The following FOXN2 variants were observed in gnomAD, a reference collection of about 807,000 sequenced individuals.
FOXN2 encodes forkhead box protein N2.
A neutral mutation model predicts 41.2 loss-of-function variants in FOXN2; 19 were observed. That is an observed-to-expected ratio of 0.46 (90% confidence interval 0.32 to 0.68). The LOEUF (loss-of-function observed/expected upper bound fraction) is 0.68, where lower values mean the gene tolerates loss of function less well. FOXN2 is among the 30% of genes least tolerant of loss of function. FOXN2 has a pLI of 0.03. For synonymous variants in FOXN2, 195 were observed against 176.8 expected (o/e 1.10, Z -0.82); for missense variants, 587 against 509.4 (o/e 1.15, Z -1.47).
intron 3 of FOXN2, among the ~76,000 whole-genome samples, chr2:48,353,892 C>A (rs567591429): frequency 1.3e-5 from 2 of 151,364 alleles, no homozygotes; most frequent in Non-Finnish European, 2.9e-5. Context: ...TTTATGTAGT[C>A]TCCGTTTAAA....
intron 5 of FOXN2, among the ~76,000 whole-genome samples, chr2:48,363,616 C>T (rs1191681304): frequency 6.6e-6 from 1 of 152,098 alleles, no homozygotes; most frequent in East Asian, 1.9e-4. Context: ...TACAGGTGTA[C>T]CATTTTAAAT....
At chr2:48,349,348 G>T (rs1323993109) in intron 3 of FOXN2, among the ~76,000 whole-genome samples, 1 of 152,116 alleles carries the variant, frequency 6.6e-6, no homozygotes, top group East Asian at 1.9e-4. Context: ...TTAGCTGGGC[G>T]TGGTGGTACA....
Position 48,356,397 on chromosome 2 carries a change from C to T in FOXN2, c.538-2650C>T, listed in dbSNP as rs1478768489. ...CGGAGGTTGCAGTGAGCCGAGATCGCGCCACTGCACTCCAGCCTGATTGAC... is the reference window on the plus strand; with the variant it reads ...CGGAGGTTGCAGTGAGCCGAGATCGTGCCACTGCACTCCAGCCTGATTGAC... On this transcript the variant is annotated intron_variant, in intron 3 of 6. Transcript: ENST00000340553. Among the ~76,000 whole-genome samples, 10 of 151,910 alleles carry T rather than the reference C, an allele frequency of 6.6e-5. No homozygotes were observed. The South Asian group carries it at 8.3e-4, about 13-fold the overall frequency.
intron 1 of FOXN2, among the ~76,000 whole-genome samples, chr2:48,315,736 G>A (rs1428691142): frequency 1.3e-5 from 2 of 152,154 alleles, no homozygotes; most frequent in Non-Finnish European, 2.9e-5. Flanking sequence ...TTGCACCTTT[G>A]CAAAATGCCT....
In FOXN2 at chr2:48,376,956, A is replaced by G. The variant is rs1053585331; in HGVS notation, c.*1513A>G. 6.6e-6 allele frequency: 1 copy of G among 152,466 alleles called. No homozygotes were observed. The highest frequency in any genetic ancestry group is 2.4e-5 in the African/African-American group (1 of 41,468). 9.4% of individuals were successfully genotyped at this position (152,466 alleles called of 1,614,324 possible). A position where few individuals can be genotyped will look rare whatever the true frequency, so the allele number is the denominator to read the frequency against. On this transcript the variant is annotated 3_prime_UTR_variant, in exon 7 of 7. Transcript: ENST00000340553. ...GCTTTCAGCTGTTTCTGTGATTATA[A>G]AGCATTTTTTAAGAGACAAATTTTA...
intron 3 of FOXN2, among the ~76,000 whole-genome samples, chr2:48,358,620 G>T (rs1671961506): frequency 6.6e-6 from 1 of 152,134 alleles, no homozygotes; most frequent in Non-Finnish European, 1.5e-5. Context: ...AAGGACTCTG[G>T]AGATCATCAC....
At chr2:48,321,661 G>C (rs1669330500) in intron 1 of FOXN2, among the ~76,000 whole-genome samples, 1 of 151,836 alleles carries the variant, frequency 6.6e-6, no homozygotes, top group Admixed American at 6.6e-5. Flanking sequence ...AAGGGTAAAA[G>C]TATTATTTAG....
At chr2:48,337,154 C>T (rs754443394) in intron 2 of FOXN2, among the ~76,000 whole-genome samples, 11 of 151,674 alleles carry the variant, frequency 7.3e-5, no homozygotes, top group Non-Finnish European at 1.3e-4. Flanking sequence ...TACTCTTAGA[C>T]GTTCATGATT....
At chr2:48,346,038 A>G (rs1671074362) in intron 2 of FOXN2, among the ~76,000 whole-genome samples, 163 bp from the exon 3 acceptor site, 1 of 152,248 alleles carries the variant, frequency 6.6e-6, no homozygotes, top group Non-Finnish European at 1.5e-5. Context: ...TCCTTGTATT[A>G]TAACCATTAG....
intron 3 of FOXN2, among the ~76,000 whole-genome samples, chr2:48,354,552 A>G (rs1323605381): frequency 1.3e-5 from 2 of 152,230 alleles, no homozygotes; most frequent in East Asian, 1.9e-4. Context: ...GTGAGCCGAG[A>G]CTGTGCCACT....
intron 1 of FOXN2, among the ~76,000 whole-genome samples, chr2:48,323,229 T>C (rs150603059): frequency 6.9e-4 from 105 of 152,262 alleles, no homozygotes; most frequent in African/African-American, 2.2e-3. Context: ...GTTTACAACG[T>C]GTAATGATCA....
At chr2:48,346,810 C>T in intron 3 of FOXN2, 59 bp downstream of exon 3, 1 of 1,381,238 alleles carries the variant, frequency 7.2e-7, no homozygotes, top group South Asian at 1.6e-5. Context: ...TAACATGGAG[C>T]CCTTAAAATA....
chr2:48,320,342 G>A (rs1669218607), intron 1 of FOXN2, among the ~76,000 whole-genome samples: 2 of 151,446 alleles, frequency 1.3e-5, no homozygotes. Flanking sequence ...CCATGTTGGA[G>A]TGCAGTGGCT....
chr2:48,333,167 A>T (rs1328536011), intron 2 of FOXN2, among the ~76,000 whole-genome samples: 1 of 152,172 alleles, frequency 6.6e-6, no homozygotes, highest in Non-Finnish European at 1.5e-5. Context: ...AAGCATGACA[A>T]CAGAGCCATG....
At chr2:48,356,744 A>G (rs1572754336) in intron 3 of FOXN2, among the ~76,000 whole-genome samples, 1 of 152,220 alleles carries the variant, frequency 6.6e-6, no homozygotes, top group South Asian at 2.1e-4. Flanking sequence ...GGAATAATGA[A>G]CGTTGCCTTT....
chr2:48,373,263 A>T, intron 5 of FOXN2, 29 bp from the exon 6 acceptor site: 14 of 1,492,876 alleles, frequency 9.4e-6, no homozygotes, highest in Non-Finnish European at 1.3e-5. Flanking sequence ...TATAAAGAAC[A>T]TTAATATTAT....
intron 5 of FOXN2, among the ~76,000 whole-genome samples, chr2:48,368,004 G>T (rs193221953): frequency 6.6e-6 from 1 of 152,034 alleles, no homozygotes; most frequent in Non-Finnish European, 1.5e-5. Flanking sequence ...GACCTCACCC[G>T]GCTAATTTTT....
At chr2:48,315,335 G>T (rs1472778630) in intron 1 of FOXN2, among the ~76,000 whole-genome samples, 1 of 152,196 alleles carries the variant, frequency 6.6e-6, no homozygotes, top group East Asian at 1.9e-4. Flanking sequence ...GCTGGGCCCC[G>T]CCAAGTAGTG....
intron 5 of FOXN2, among the ~76,000 whole-genome samples, chr2:48,368,233 A>G (rs1468668585): frequency 6.6e-6 from 1 of 151,026 alleles, no homozygotes. Context: ...TTTGAACTGG[A>G]TATGTTAGAT....
Sources: gnomAD v4.1 joint callset for allele counts (sites outside exome capture counted in the v4.1 genomes callset) on GRCh38, gnomAD v4.1.1 for gene constraint, MANE v1.5 for transcripts, NCBI Gene and HGNC (gene_info 2026-07-23, HGNC 2026-07-21) for gene names.